The following CCNE2 variants were observed in gnomAD, a reference collection of about 807,000 sequenced individuals.
The protein encoded by CCNE2 is G1/S-specific cyclin-E2.
A neutral mutation model predicts 56.8 loss-of-function variants in CCNE2; 18 were observed. That is an observed-to-expected ratio of 0.32 (90% CI 0.22 to 0.47). The LOEUF (loss-of-function observed/expected upper bound fraction) is 0.47. Ranked by LOEUF, CCNE2 falls within the 20% of genes least tolerant of loss-of-function variation. CCNE2 has a pLI of 1.00. For synonymous variants in CCNE2, 139 were observed against 149.2 expected (o/e 0.93, Z 0.50); for missense variants, 371 against 467.1 (o/e 0.79, Z 1.90).
At chr8:94,890,595 T>A (rs398047539) in intron 5 of CCNE2, 45 bp from the exon 6 acceptor site, 118,540 of 300,612 alleles carry the variant, frequency 0.39, 12,044 homozygotes, top group East Asian at 0.48. Context: ...ATATATATTT[T>A]TTTTTTTTTT....
intron 4 of CCNE2, 179 bp downstream of exon 4, chr8:94,893,712 T>A (rs1216120562): frequency 1.6e-6 from 1 of 632,174 alleles, no homozygotes; most frequent in Non-Finnish European, 2.8e-6. Flanking sequence ...TCTGCAGCTG[T>A]AGTAGGATTC....
At chr8:94,891,764 C>T in intron 5 of CCNE2, 1 of 1,253,658 alleles carries the variant, frequency 8.0e-7, no homozygotes, top group Non-Finnish European at 1.2e-6. Context: ...GGTAGGTGTA[C>T]CCAGGCCAAG....
chr8:94,895,695 A>C (rs1426338869), upstream of CCNE2: 1 of 151,766 alleles, frequency 6.6e-6, no homozygotes, highest in Non-Finnish European at 1.5e-5. Flanking sequence ...CGACGCGGGG[A>C]CCCGAGGGCC....
upstream of CCNE2, among the ~76,000 whole-genome samples, chr8:94,896,270 C>CCCGCCG (rs1249280461): frequency 7.4e-5 from 11 of 148,434 alleles, no homozygotes; most frequent in East Asian, 1.9e-3. Context: ...CGCGCCCCGC[C>CCCGCCG]CCGCCGCCGC....
rs537098467 is a variant in CCNE2, at chr8:94,890,887, C to G, written c.318-337G>C. Among the ~76,000 whole-genome samples the G allele has an allele frequency of 2.6e-5, 4 of 152,170 alleles. No individual in the cohort carries two copies. In the South Asian group the frequency reaches 6.2e-4, roughly 24 times the overall value. ...GGGATTACAGGCGTGACCCACCATG[C>G]CCGGCTAAAAAACATAATTTAAATT... On this transcript the variant is annotated intron_variant, in intron 5 of 11. Coordinates refer to ENST00000308108, the MANE Select transcript of CCNE2 (RefSeq NM_057749.3).
intron 5 of CCNE2, among the ~76,000 whole-genome samples, 190 bp from the exon 6 acceptor site, chr8:94,890,740 C>A (rs1817209935): frequency 6.6e-6 from 1 of 151,724 alleles, no homozygotes; most frequent in Non-Finnish European, 1.5e-5. Context: ...GTTACAGGTG[C>A]CTGCCACCAA....
chr8:94,889,452 G>A (rs1586553345), intron 6 of CCNE2, among the ~76,000 whole-genome samples: 2 of 152,188 alleles, frequency 1.3e-5, no homozygotes, highest in African/African-American at 4.8e-5. Flanking sequence ...ACATAATTGT[G>A]CTTAAGTTGA....
chr8:94,885,727 CTTTTTT>C (rs747420459), intron 7 of CCNE2, among the ~76,000 whole-genome samples, 169 bp from the exon 8 acceptor site: 3 of 114,176 alleles, frequency 2.6e-5, no homozygotes, highest in African/African-American at 9.9e-5. Flanking sequence ...CATTTTCTTT[CTTTTTT>C]TTTTTTTTTT....
At chr8:94,882,032 T>G in intron 11 of CCNE2, 100 bp downstream of exon 11, 1 of 1,194,208 alleles carries the variant, frequency 8.4e-7, no homozygotes, top group South Asian at 1.6e-5. Flanking sequence ...GAACTTTCTT[T>G]CCCCTGAAAC....
intron 7 of CCNE2, 111 bp from the exon 8 acceptor site, chr8:94,885,669 G>A: frequency 9.3e-6 from 4 of 429,096 alleles, no homozygotes; most frequent in Non-Finnish European, 1.3e-5. Context: ...CATTTAAGTA[G>A]AAAGTGCATT....
chr8:94,889,098 A>G (rs1817139397), intron 6 of CCNE2, among the ~76,000 whole-genome samples: 1 of 151,992 alleles, frequency 6.6e-6, no homozygotes, highest in South Asian at 2.1e-4. Flanking sequence ...CAGTGAGCTG[A>G]GATCGTGCCA....
At position 94,888,054 on chromosome 8, in the gene CCNE2, AGTGT is replaced by A; in HGVS notation, c.469_472del (p.Thr157PhefsTer18). 6.3e-7 allele frequency: 1 copy of A among 1,581,660 alleles called. No individual in the cohort carries two copies. The highest frequency in any genetic ancestry group is 8.6e-7 in the Non-Finnish European group (1 of 1,163,618). On this transcript the variant is annotated frameshift_variant, in exon 7 of 12. Coordinates refer to ENST00000308108, the MANE Select transcript of CCNE2 (RefSeq NM_057749.3). LOFTEE classifies it high-confidence loss of function. The stretch of plus-strand genomic sequence containing the variant: ...TGCAAGATAAAATGTTTCCCTATGA[AGTGT>A]GTATACTTCACATACCTAGAGAAGA...
upstream of CCNE2, among the ~76,000 whole-genome samples, chr8:94,895,491 G>C (rs1471665878): frequency 1.3e-5 from 2 of 152,100 alleles, no homozygotes; most frequent in African/African-American, 4.8e-5. Flanking sequence ...CCTGGCTCGC[G>C]CATCTCCCGC....
At chr8:94,886,491 G>C (rs1350709127) in intron 7 of CCNE2, among the ~76,000 whole-genome samples, 3 of 152,182 alleles carry the variant, frequency 2.0e-5, no homozygotes, top group Non-Finnish European at 4.4e-5. Context: ...AGGATCACCT[G>C]AGCCCAGGAG....
intron 9 of CCNE2, 129 bp downstream of exon 9, chr8:94,884,938 A>C (rs1305886846): frequency 1.3e-6 from 1 of 773,624 alleles, no homozygotes; most frequent in Non-Finnish European, 2.0e-6. Context: ...TTTATGCGTC[A>C]AAAGTTTTGT....
intron 6 of CCNE2, 37 bp downstream of exon 6, chr8:94,890,378 T>C: frequency 6.6e-7 from 1 of 1,524,546 alleles, no homozygotes; most frequent in South Asian, 1.3e-5. Context: ...GTTTCCATCA[T>C]ACAGAGACAA....
Position 94,882,187 on chromosome 8 carries a change from A to G in CCNE2, c.1046T>C (p.Ile349Thr), listed in dbSNP as rs768629344. Residue 349 changes from isoleucine to threonine, a missense_variant, in exon 11 of 12, where the codon ATT becomes ACT. Ile to Thr is a moderately conservative substitution (Grantham distance 89). Coordinates refer to ENST00000308108, the MANE Select transcript of CCNE2 (RefSeq NM_057749.3). ...GATATTATGTCTGTCTTCCATAGGAATCTTCTTAAAAGTCTTCAGCTTCAC... is the reference window on the plus strand; with the variant it reads ...GATATTATGTCTGTCTTCCATAGGAGTCTTCTTAAAAGTCTTCAGCTTCAC... ...SPVKLKTFKK[I>T]PMEDRHNIQT... The G allele has an allele frequency of 6.2e-7, 1 of 1,613,572 alleles. No homozygotes were observed.
At chr8:94,886,930 T>A (rs1006015362) in intron 7 of CCNE2, among the ~76,000 whole-genome samples, 1 of 152,170 alleles carries the variant, frequency 6.6e-6, no homozygotes, top group Non-Finnish European at 1.5e-5. Flanking sequence ...AACAGTATAA[T>A]TTCAAGTAAG....
rs1300513576 is a variant in CCNE2, at chr8:94,882,726, G to C, written c.943+55C>G. On this transcript the variant is annotated intron_variant, in intron 10 of 11. Transcript: ENST00000308108. The stretch of plus-strand genomic sequence containing the variant: ...AGCAGAATGTTAAAGTTCAGAGACT[G>C]TAGTCCCATTAGAAGTTGTGAAAAG... The C allele has an allele frequency of 6.1e-6, 7 of 1,156,074 alleles. No individual in the cohort carries two copies. In the South Asian group the frequency reaches 6.3e-5, roughly 10 times the overall value. 71.6% of individuals were successfully genotyped at this position (1,156,074 alleles called of 1,614,324 possible).
Sources: allele counts gnomAD v4.1 joint callset (sites outside exome capture counted in the v4.1 genomes callset), GRCh38; gene constraint gnomAD v4.1.1; transcripts MANE v1.5; gene names NCBI Gene and HGNC (gene_info 2026-07-23, HGNC 2026-07-21).